Variants in CDH4 observed in about 807,000 individuals in gnomAD.
CDH4 encodes the protein cadherin-4.
A neutral mutation model predicts 86.0 loss-of-function variants in CDH4; 33 were observed. That is an observed-to-expected ratio of 0.38 (90% CI 0.29 to 0.51). The LOEUF is 0.51. Among genes scored for constraint, CDH4 ranks in the 20% least tolerant of loss-of-function variants. CDH4 has a pLI of 0.86. For synonymous variants in CDH4, 555 were observed against 549.4 expected (o/e 1.01, Z -0.14); for missense variants, 1,114 against 1,307.4 (o/e 0.85, Z 2.28).
chr20:61,594,732 C>T (rs2086543163), intron 2 of CDH4, among the ~76,000 whole-genome samples: 1 of 152,198 alleles, frequency 6.6e-6, no homozygotes, highest in South Asian at 2.1e-4. Context: ...AGTGAAGACG[C>T]CGCCGTGTCT....
chr20:61,329,587 C>A (rs1462793093), intron 2 of CDH4, among the ~76,000 whole-genome samples: 1 of 152,076 alleles, frequency 6.6e-6, no homozygotes, highest in Non-Finnish European at 1.5e-5. Flanking sequence ...CAGCATAGTT[C>A]CCCCTAAAAC....
chr20:61,565,298 GC>G lies in CDH4; in HGVS notation c.170-178264del, dbSNP rs1332070475. Among the ~76,000 whole-genome samples the G allele has an allele frequency of 3.4e-5, 2 of 58,126 alleles. 1 individual carries two copies. The highest frequency in any genetic ancestry group is 7.0e-5 in the Non-Finnish European group (2 of 28,684). 38.1% of individuals were successfully genotyped at this position (58,126 alleles called of 152,430 possible). On this transcript the variant is annotated intron_variant, in intron 2 of 15. Transcript: ENST00000614565. ...TCTTGGTGATGGGGTGATGGTGGTGGCGGTGCTCTTGGTGGTGGCGGTGCTC... is the reference window on the plus strand; with the variant it reads ...TCTTGGTGATGGGGTGATGGTGGTGGGGTGCTCTTGGTGGTGGCGGTGCTC...
chr20:61,520,771 G>T (rs897239101), intron 2 of CDH4, among the ~76,000 whole-genome samples: 1 of 152,174 alleles, frequency 6.6e-6, no homozygotes, highest in Admixed American at 6.5e-5. Flanking sequence ...ACAACCCCCC[G>T]TACTGCTTAT....
rs902237814 is a variant in CDH4 at position 61,681,104 on chromosome 20, A to G, written c.170-62459A>G. Among the ~76,000 whole-genome samples the G allele has an allele frequency of 6.6e-6, 1 of 152,202 alleles. No individual in the cohort carries two copies. Among genetic ancestry groups the G allele is most frequent in the Non-Finnish European group, 1.5e-5 (1 of 68,034 alleles). On this transcript the variant is annotated intron_variant, in intron 2 of 15. Coordinates refer to ENST00000614565, the MANE Select transcript of CDH4 (RefSeq NM_001794.5). The surrounding 1 kb of genome is among the most constrained non-coding windows in gnomAD (Gnocchi z 4.5). Reference sequence around the variant, plus strand: ...CGTGCAATTATTAACACATCGCTTGAGGGCATTGTGGATGTGGGCCCTCCA... The same window carrying G: ...CGTGCAATTATTAACACATCGCTTGGGGGCATTGTGGATGTGGGCCCTCCA...
At chr20:61,435,074 T>C (rs2085273115) in intron 2 of CDH4, among the ~76,000 whole-genome samples, 1 of 152,200 alleles carries the variant, frequency 6.6e-6, no homozygotes, top group African/African-American at 2.4e-5. Context: ...CGTTCACGAG[T>C]ATGAAGTTGA....
chr20:61,398,329 A>G (rs1010339473), intron 2 of CDH4, among the ~76,000 whole-genome samples: 5 of 152,204 alleles, frequency 3.3e-5, no homozygotes, highest in Non-Finnish European at 7.3e-5. Flanking sequence ...AAACTATTTA[A>G]TGTTTTTTGC....
At chr20:61,826,524 T>C (rs574456515) in intron 4 of CDH4, among the ~76,000 whole-genome samples, 14 of 152,284 alleles carry the variant, frequency 9.2e-5, no homozygotes, top group South Asian at 2.1e-4. Context: ...AAGGAGAACA[T>C]GCACCAGCCC....
chr20:61,841,343 T>C (rs1249914491), intron 4 of CDH4, among the ~76,000 whole-genome samples: 1 of 152,194 alleles, frequency 6.6e-6, no homozygotes, highest in Non-Finnish European at 1.5e-5. Flanking sequence ...CTCTTAGCTT[T>C]TCTCCCACCC....
chr20:61,268,741 G>A (rs1335874658), intron 2 of CDH4, among the ~76,000 whole-genome samples: 1 of 152,020 alleles, frequency 6.6e-6, no homozygotes, highest in Non-Finnish European at 1.5e-5. Context: ...TCAACACATG[G>A]GCTGCCCTTT....
chr20:61,802,101 C>T (rs1451300657), intron 4 of CDH4, among the ~76,000 whole-genome samples: 2 of 152,248 alleles, frequency 1.3e-5, no homozygotes, highest in African/African-American at 4.8e-5. Context: ...GCCCTCCCCA[C>T]CTTTCTCTTA....
At chr20:61,625,567 GA>G (rs1336994808) in intron 2 of CDH4, among the ~76,000 whole-genome samples, 7 of 152,134 alleles carry the variant, frequency 4.6e-5, no homozygotes, top group African/African-American at 1.4e-4. Context: ...GCAGATCAAT[GA>G]AAACAAATCT....
chr20:61,713,667 G>A (rs1409109879), intron 2 of CDH4, among the ~76,000 whole-genome samples: 1 of 152,226 alleles, frequency 6.6e-6, no homozygotes, highest in African/African-American at 2.4e-5. Context: ...TGGGGCAAGG[G>A]CTGCCCCCCA....
chr20:61,724,364 G>A (rs566015973), intron 2 of CDH4, among the ~76,000 whole-genome samples: 69 of 152,282 alleles, frequency 4.5e-4, no homozygotes, highest in African/African-American at 1.6e-3. Context: ...TCAGAACCCC[G>A]TGTCCCGCCA....
At chr20:61,347,788 G>A (rs1384145936) in intron 2 of CDH4, among the ~76,000 whole-genome samples, 3 of 152,194 alleles carry the variant, frequency 2.0e-5, no homozygotes, top group East Asian at 1.9e-4. Context: ...GGTTCGGCAC[G>A]GGACATTGGT....
intron 4 of CDH4, among the ~76,000 whole-genome samples, chr20:61,782,345 A>C (rs1196449491): frequency 6.6e-6 from 1 of 152,126 alleles, no homozygotes; most frequent in Non-Finnish European, 1.5e-5. Flanking sequence ...AAATAAAGAC[A>C]TTCCTGATAA....
In CDH4 at chr20:61,677,694, C is replaced by CGG. The variant is rs1362616329; in HGVS notation, c.170-65869_170-65868insGG. 9.9e-3 allele frequency among the ~76,000 whole-genome samples: 1,482 copies of CGG among 150,338 alleles called. 16 individuals carry two copies. The highest frequency in any genetic ancestry group is 0.024 in the Middle Eastern group (7 of 292). ...GTGGGTGGACAGACGGACGGACGGACAGACGGACGGATGGATGGATGATAG... is the reference window on the plus strand; with the variant it reads ...GTGGGTGGACAGACGGACGGACGGACGGAGACGGACGGATGGATGGATGATAG... On this transcript the variant is annotated intron_variant, in intron 2 of 15. Transcript: ENST00000614565.
At chr20:61,413,512 A>G (rs529268381) in intron 2 of CDH4, among the ~76,000 whole-genome samples, 370 of 152,074 alleles carry the variant, frequency 2.4e-3, no homozygotes, top group African/African-American at 8.5e-3. Context: ...TAAACTGGGG[A>G]GGTGGTGGGA....
At chr20:61,520,064 G>A (rs2085857751) in intron 2 of CDH4, among the ~76,000 whole-genome samples, 1 of 152,192 alleles carries the variant, frequency 6.6e-6, no homozygotes, top group Non-Finnish European at 1.5e-5. Context: ...CCATTGATCT[G>A]CCTGCGGGTT....
At chr20:61,397,989 G>T (rs1051463500) in intron 2 of CDH4, among the ~76,000 whole-genome samples, 5 of 152,176 alleles carry the variant, frequency 3.3e-5, no homozygotes, top group African/African-American at 1.2e-4. Flanking sequence ...AAGGCTGACC[G>T]CATGCCGAGC....
Sources: allele counts gnomAD v4.1 joint callset (sites outside exome capture counted in the v4.1 genomes callset), GRCh38; gene constraint gnomAD v4.1.1; non-coding constraint Gnocchi (gnomAD v3.1); transcripts MANE v1.5; gene names NCBI Gene and HGNC (gene_info 2026-07-23, HGNC 2026-07-21).